TFEC: variants seen among roughly 807,000 people sequenced by gnomAD.
TFEC encodes the protein transcription factor EC, also known as class E basic helix-loop-helix protein 34.
A neutral mutation model predicts 41.6 loss-of-function variants in TFEC; 31 were observed. The ratio of observed to expected loss-of-function variants is 0.74; its 90% confidence interval spans 0.56 to 1.01. The LOEUF is 1.01. Ranked by LOEUF, TFEC falls within the 50% of genes least tolerant of loss-of-function variation. The pLI is 0.00. For synonymous variants in TFEC, 143 were observed against 140.6 expected (o/e 1.02, Z -0.12); for missense variants, 402 against 404.1 (o/e 0.99, Z 0.04).
At chr7:116,061,113 A>AGCTGAT (rs1459625083) in intron 3 of TFEC, among the ~76,000 whole-genome samples, 2 of 152,184 alleles carry the variant, frequency 1.3e-5, no homozygotes, top group Non-Finnish European at 2.9e-5. Flanking sequence ...GAAATTGACA[A>AGCTGAT]GCTGATTCTA....
At chr7:115,956,208 ATG>A (rs1437733713) in intron 4 of TFEC, among the ~76,000 whole-genome samples, 1 of 152,008 alleles carries the variant, frequency 6.6e-6, no homozygotes, top group Non-Finnish European at 1.5e-5. Flanking sequence ...AGAAAATTAA[ATG>A]TGAGTCTATC....
At chr7:116,088,833 AAC>A (rs1038389483) in intron 3 of TFEC, among the ~76,000 whole-genome samples, 4 of 151,768 alleles carry the variant, frequency 2.6e-5, no homozygotes, top group South Asian at 2.1e-4. Flanking sequence ...CATACACATA[AAC>A]ACACACACAC....
intron 1 of TFEC, among the ~76,000 whole-genome samples, chr7:116,007,340 G>T (rs919900797): frequency 3.9e-5 from 6 of 152,064 alleles, no homozygotes; most frequent in African/African-American, 1.4e-4. Context: ...GTCTCAGAGG[G>T]TTCAACTCTA....
intron 2 of TFEC, among the ~76,000 whole-genome samples, chr7:115,975,672 T>C (rs1793345989): frequency 1.3e-5 from 2 of 152,068 alleles, no homozygotes; most frequent in African/African-American, 2.4e-5. Flanking sequence ...TAACAAATAG[T>C]GGGCTGAGGA....
intron 1 of TFEC, among the ~76,000 whole-genome samples, chr7:115,986,829 A>C (rs1248040455): frequency 1.3e-5 from 2 of 151,850 alleles, no homozygotes. Context: ...TAATGGGTGC[A>C]GCACACCAAC....
chr7:116,108,759 T>C (rs1797777875), intron 3 of TFEC, among the ~76,000 whole-genome samples: 1 of 152,166 alleles, frequency 6.6e-6, no homozygotes, highest in African/African-American at 2.4e-5. Context: ...CAATGCATTT[T>C]CTACCTACAC....
At chr7:115,991,720 T>C (rs903404138) in intron 1 of TFEC, among the ~76,000 whole-genome samples, 14 of 151,180 alleles carry the variant, frequency 9.3e-5, no homozygotes, top group East Asian at 1.9e-4. Flanking sequence ...CCCAGATTCA[T>C]AAAGCAAAGA....
intron 3 of TFEC, among the ~76,000 whole-genome samples, chr7:116,052,245 T>C (rs1161351815): frequency 6.6e-6 from 1 of 152,104 alleles, no homozygotes; most frequent in African/African-American, 2.4e-5. Context: ...TAAGAAATTC[T>C]CATCTTGCAA....
chr7:116,137,534 A>T (rs1007044283), intron 1 of TFEC, among the ~76,000 whole-genome samples: 1 of 152,158 alleles, frequency 6.6e-6, no homozygotes, highest in African/African-American at 2.4e-5. Context: ...TAACTTTCCA[A>T]CTATGAATTG....
At chr7:115,997,945 C>T (rs977717032) in intron 1 of TFEC, among the ~76,000 whole-genome samples, 3 of 151,882 alleles carry the variant, frequency 2.0e-5, no homozygotes, top group Non-Finnish European at 4.4e-5. Flanking sequence ...ATTAAGCATG[C>T]CTACAGGATC....
chr7:116,046,041 C>T (rs1468973245), intron 3 of TFEC, among the ~76,000 whole-genome samples: 1 of 152,186 alleles, frequency 6.6e-6, no homozygotes, highest in Non-Finnish European at 1.5e-5. Context: ...AATACCTGTA[C>T]CTCCATTGTA....
At chr7:116,149,412 G>A (rs770507307) in intron 1 of TFEC, among the ~76,000 whole-genome samples, 3 of 152,154 alleles carry the variant, frequency 2.0e-5, no homozygotes, top group Non-Finnish European at 4.4e-5. Flanking sequence ...ACTGAATCAA[G>A]TAAAAGCAGA....
At chr7:115,956,408 T>C (rs1302174053) in intron 4 of TFEC, among the ~76,000 whole-genome samples, 1 of 150,002 alleles carries the variant, frequency 6.7e-6, no homozygotes, top group Non-Finnish European at 1.5e-5. Flanking sequence ...TATATGTATG[T>C]ATATATGTGT....
chr7:116,009,726 A>T (rs944427731), intron 1 of TFEC, among the ~76,000 whole-genome samples: 1 of 152,170 alleles, frequency 6.6e-6, no homozygotes, highest in Non-Finnish European at 1.5e-5. Flanking sequence ...TCACTGATTG[A>T]TTCATTTAAC....
At chr7:116,145,289 A>G (rs1252907723) in intron 1 of TFEC, among the ~76,000 whole-genome samples, 1 of 152,146 alleles carries the variant, frequency 6.6e-6, no homozygotes, top group Non-Finnish European at 1.5e-5. Context: ...GAGTAAATTG[A>G]TATCTACAAA....
rs1446463574 is a variant in TFEC at position 115,940,756 on chromosome 7, A to C, written c.839T>G (p.Ile280Arg). 1.2e-6 allele frequency: 2 copies of C among 1,613,414 alleles called. No individual in the cohort carries two copies. Among genetic ancestry groups the C allele is most frequent in the African/African-American group, 2.7e-5 (2 of 74,842 alleles). The change falls in exon 8 of 8, where the codon ATA (isoleucine) becomes AGA (arginine). Residue 280 changes from isoleucine to arginine, a missense_variant. Ile to Arg is a moderately conservative substitution (Grantham distance 97). Coordinates refer to ENST00000265440, the MANE Select transcript of TFEC (RefSeq NM_012252.4). Reference sequence around the variant, plus strand: ...GTATGACAAAGGATCAGAAAAGGCTATAGCTTGATCACAGAGCTCAGGGCT... The same window carrying C: ...GTATGACAAAGGATCAGAAAAGGCTCTAGCTTGATCACAGAGCTCAGGGCT... Reference protein sequence around the residue: ...GPSPELCDQAIAFSDPLSYFT... With the variant: ...GPSPELCDQARAFSDPLSYFT...
chr7:116,073,318 T>C (rs1325982035), intron 3 of TFEC, among the ~76,000 whole-genome samples: 1 of 151,810 alleles, frequency 6.6e-6, no homozygotes, highest in Non-Finnish European at 1.5e-5. Flanking sequence ...AAAATATTGT[T>C]GAAAGAAAGA....
chr7:116,144,964 A>G (rs1018418009), intron 1 of TFEC, among the ~76,000 whole-genome samples: 1 of 152,178 alleles, frequency 6.6e-6, no homozygotes, highest in African/African-American at 2.4e-5. Context: ...CCAGATAAAT[A>G]GATAGATTCT....
chr7:116,129,234 A>C lies in TFEC; in HGVS notation c.-68-17196T>G, dbSNP rs534424515. On this transcript the variant is annotated intron_variant, in intron 1 of 8. Coordinates refer to the TFEC transcript ENST00000484212. ...TTCATTCTCTTGTCCCAATATCTGG[A>C]CAGGTTGTTGTGTATACTCAGGAGA... Among the ~76,000 whole-genome samples, 3 of 152,162 alleles carry C rather than the reference A, an allele frequency of 2.0e-5. No individual in the cohort carries two copies. The South Asian group carries it at 6.2e-4, about 32-fold the overall frequency.
Sources: allele counts gnomAD v4.1 joint callset (sites outside exome capture counted in the v4.1 genomes callset), GRCh38; gene constraint gnomAD v4.1.1; transcripts MANE v1.5; gene names NCBI Gene and HGNC (gene_info 2026-07-23, HGNC 2026-07-21).